The following MLXIPL variants were observed in gnomAD, a reference collection of about 807,000 sequenced individuals.
MLXIPL encodes MLX interacting protein like, also known as carbohydrate-responsive element-binding protein.
Under a neutral mutation model 81.5 loss-of-function variants are expected in MLXIPL, and 49 were observed. The observed-to-expected ratio is 0.60, with a 90% confidence interval of 0.48 to 0.76. The LOEUF is 0.76. Ranked by LOEUF, MLXIPL falls within the 30% of genes least tolerant of loss-of-function variation. MLXIPL has a pLI of 0.00. For missense variants in MLXIPL, 1,053 were observed against 1,167.0 expected, an observed-to-expected ratio of 0.90 and a Z score of 1.42; for synonymous variants, 466 against 485.5, an observed-to-expected ratio of 0.96 and a Z score of 0.53.
upstream of MLXIPL, among the ~76,000 whole-genome samples, chr7:73,627,462 T>C (rs1554604021): frequency 6.6e-6 from 1 of 152,104 alleles, no homozygotes; most frequent in Non-Finnish European, 1.5e-5. Context: ...TTGGCCAGGC[T>C]GGTCTTGAAC....
intron 2 of MLXIPL, among the ~76,000 whole-genome samples, chr7:73,613,043 G>A (rs1554600045): frequency 1.3e-5 from 2 of 152,142 alleles, no homozygotes; most frequent in African/African-American, 4.8e-5. Flanking sequence ...TATGACTGTT[G>A]GATCAGGAAA....
the MLXIPL span, among the ~76,000 whole-genome samples, chr7:73,634,436 G>C: frequency 1.3e-5 from 2 of 152,092 alleles, no homozygotes; most frequent in African/African-American, 4.8e-5. Context: ...CTGTTGCTCA[G>C]GCTGGAGTGC....
chr7:73,596,628 C>A lies in MLXIPL; in HGVS notation c.1822+11G>T. 3 of 1,601,490 alleles carry A rather than the reference C, an allele frequency of 1.9e-6. No homozygotes were observed. Among genetic ancestry groups the A allele is most frequent in the Non-Finnish European group, 2.6e-6 (3 of 1,174,046 alleles). On this transcript the variant is annotated intron_variant, in intron 11 of 16. Coordinates refer to ENST00000313375, the MANE Select transcript of MLXIPL (RefSeq NM_032951.3). This position sits in a 1 kb window ranked among gnomAD's most constrained non-coding sequence, Gnocchi z 4.7. ...CTAGATTCCCCCAATCCCTGCAACC[C>A]CTCTCTTTACCGCTGGGCGCTGGGG...
chr7:73,636,850 A>G, the MLXIPL span, among the ~76,000 whole-genome samples: 1 of 152,150 alleles, frequency 6.6e-6, no homozygotes, highest in Non-Finnish European at 1.5e-5. Context: ...TCAAGAGGTC[A>G]GGAGTTCGAG....
At chr7:73,594,846 CTTTT>C (rs33938430) in intron 15 of MLXIPL, among the ~76,000 whole-genome samples, 13 of 106,708 alleles carry the variant, frequency 1.2e-4, no homozygotes, top group African/African-American at 1.9e-4. Context: ...TGTGCTCGGA[CTTTT>C]TTTTTTTTTT....
chr7:73,601,916 G>T (rs1445657966), intron 7 of MLXIPL, among the ~76,000 whole-genome samples: 2 of 152,090 alleles, frequency 1.3e-5, no homozygotes, highest in African/African-American at 2.4e-5. Flanking sequence ...TCAGCATGGG[G>T]TCTGCACGCA....
At chr7:73,602,804 T>C (rs1794989086) in intron 7 of MLXIPL, among the ~76,000 whole-genome samples, 1 of 152,222 alleles carries the variant, frequency 6.6e-6, no homozygotes, top group Non-Finnish European at 1.5e-5. Flanking sequence ...ATGCTGTGCC[T>C]GGCCCCAGGC....
intron 2 of MLXIPL, among the ~76,000 whole-genome samples, chr7:73,612,990 C>G (rs1795794601): frequency 6.6e-6 from 1 of 152,040 alleles, no homozygotes; most frequent in Non-Finnish European, 1.5e-5. Context: ...TGCAAAGTGC[C>G]AGGGAGCTCC....
chr7:73,594,147 G>C, intron 16 of MLXIPL, 127 bp downstream of exon 16: 1 of 1,488,672 alleles, frequency 6.7e-7, no homozygotes. Flanking sequence ...CCATCTGGGG[G>C]ATGCGGGGTG....
chr7:73,625,138 C>T (rs1041893112), upstream of MLXIPL, among the ~76,000 whole-genome samples: 1 of 152,128 alleles, frequency 6.6e-6, no homozygotes, highest in Non-Finnish European at 1.5e-5. Context: ...GAGCGGAGAT[C>T]GCGCCACTGC....
At position 73,606,123 on chromosome 7, in the gene MLXIPL, G is replaced by C. The variant is rs1554598064; in HGVS notation, c.619-12C>G. Reference sequence around the variant, plus strand: ...CACCTGCCTTCCGCCTAGGGAGACAGAGCCGTCAGCAGCCGCTAGAGAGCT... The same window carrying C: ...CACCTGCCTTCCGCCTAGGGAGACACAGCCGTCAGCAGCCGCTAGAGAGCT... On this transcript the variant is annotated splice_polypyrimidine_tract_variant and intron_variant, in intron 5 of 16. Coordinates refer to ENST00000313375, the MANE Select transcript of MLXIPL (RefSeq NM_032951.3). 6.4e-7 allele frequency: 1 copy of C among 1,564,350 alleles called. No individual in the cohort carries two copies. The highest frequency in any genetic ancestry group is 8.7e-7 in the Non-Finnish European group (1 of 1,154,640).
chr7:73,624,410 T>A lies in MLXIPL; in HGVS notation c.83A>T (p.Asp28Val). The change falls in exon 1 of 17, where the codon GAC (aspartate) becomes GTC (valine). Residue 28 changes from aspartate to valine, a missense_variant. This residue lies in a region of MLXIPL where 226 missense variants were observed against 216.2 expected (regional missense o/e 1.05). Coordinates refer to ENST00000313375, the MANE Select transcript of MLXIPL (RefSeq NM_032951.3). ...GCGCCGGAGACTCGGGTCCTCCGAGTCTGTGTCCGAGTCCGAGTCTGGGCT... is the reference window on the plus strand; with the variant it reads ...GCGCCGGAGACTCGGGTCCTCCGAGACTGTGTCCGAGTCCGAGTCTGGGCT... ...APSPDSDSDT[D>V]SEDPSLRRSA... The A allele has an allele frequency of 5.7e-6, 9 of 1,567,382 alleles. No homozygotes were observed. Among genetic ancestry groups the A allele is most frequent in the Non-Finnish European group, 6.9e-6 (8 of 1,163,100 alleles).
chr7:73,640,418 A>AG, the MLXIPL span, among the ~76,000 whole-genome samples: 1 of 150,456 alleles, frequency 6.6e-6, no homozygotes. Context: ...AAAAAAAAGA[A>AG]AAAGAAAAAA....
At chr7:73,639,284 A>G in the MLXIPL span, among the ~76,000 whole-genome samples, 2 of 152,200 alleles carry the variant, frequency 1.3e-5, no homozygotes, top group African/African-American at 2.4e-5. Context: ...AAAATCTATT[A>G]AACAAAAAAT....
At chr7:73,625,151 T>G (rs569295768), upstream of MLXIPL, among the ~76,000 whole-genome samples, 1 of 152,038 alleles carries the variant, frequency 6.6e-6, no homozygotes, top group South Asian at 2.1e-4. Flanking sequence ...GCCACTGCAC[T>G]CCAGCCTGGA....
the MLXIPL span, among the ~76,000 whole-genome samples, chr7:73,630,632 AACC>A: frequency 6.6e-6 from 1 of 152,296 alleles, no homozygotes; most frequent in South Asian, 2.1e-4. Flanking sequence ...ATAAGAAAAC[AACC>A]TTTGCTGAAG....
intron 7 of MLXIPL, among the ~76,000 whole-genome samples, chr7:73,602,118 G>GCCTTCCTTCCTTCCTTCCTTCCTT (rs1157234046): frequency 6.1e-5 from 3 of 49,066 alleles, no homozygotes; most frequent in Non-Finnish European, 8.6e-5. Flanking sequence ...CTGCCTGCCT[G>GCCTTCCTTCCTTCCTTCCTTCCTT]CCTGCCTGCC....
At chr7:73,640,819 G>A in the MLXIPL span, among the ~76,000 whole-genome samples, 1 of 151,420 alleles carries the variant, frequency 6.6e-6, no homozygotes, top group Non-Finnish European at 1.5e-5. Flanking sequence ...ACAGATGATG[G>A]CATGGGAACC....
At chr7:73,617,573 G>A (rs868921520) in intron 1 of MLXIPL, among the ~76,000 whole-genome samples, 19 of 152,078 alleles carry the variant, frequency 1.2e-4, no homozygotes, top group Admixed American at 7.2e-4. Context: ...GGCTGGGCGC[G>A]GTAGCTCACG....
Sources: allele counts gnomAD v4.1 joint callset (sites outside exome capture counted in the v4.1 genomes callset), GRCh38; gene constraint gnomAD v4.1.1; regional missense constraint gnomAD v4.1.1; non-coding constraint Gnocchi (gnomAD v3.1); transcripts MANE v1.5; gene names NCBI Gene and HGNC (gene_info 2026-07-23, HGNC 2026-07-21).